The following TNKS2 variants were observed in gnomAD, a reference collection of about 807,000 sequenced individuals.
The protein encoded by TNKS2 is tankyrase 2, also known as poly [ADP-ribose] polymerase tankyrase-2.
TNKS2 carries 72 observed loss-of-function variants against 137.6 expected under a neutral mutation model. That is an observed-to-expected ratio of 0.52 (90% CI 0.43 to 0.64). TNKS2 has a LOEUF of 0.64. TNKS2 is among the 30% of genes least tolerant of loss of function. TNKS2 has a pLI of 0.00. For missense variants in TNKS2, 1,049 were observed against 1,410.2 expected (o/e 0.74, Z 4.10); for synonymous variants, 516 against 512.1 (o/e 1.01, Z -0.10).
intron 1 of TNKS2, among the ~76,000 whole-genome samples, chr10:91,807,815 A>G (rs941523103): frequency 3.9e-5 from 6 of 152,068 alleles, no homozygotes; most frequent in African/African-American, 1.2e-4. Context: ...TAACATGGTG[A>G]AACCCCCCCT....
chr10:91,857,377 C>T, intron 23 of TNKS2, 48 bp from the exon 24 acceptor site: 2 of 1,363,592 alleles, frequency 1.5e-6, no homozygotes, highest in Middle Eastern at 1.8e-4. Context: ...ATGAAGAAGT[C>T]AGTAAGTAAT....
chr10:91,819,843 T>C, intron 5 of TNKS2, 96 bp from the exon 6 acceptor site: 5 of 1,011,532 alleles, frequency 4.9e-6, no homozygotes, highest in Non-Finnish European at 5.7e-6. Flanking sequence ...GAAGTTATAA[T>C]TGGATTTTCT....
chr10:91,851,239 G>A lies in TNKS2; in HGVS notation c.2718G>A (p.Glu906=). Residue 906 remains glutamate, a synonymous_variant, in exon 21 of 27, where the codon GAG becomes GAA. Transcript: ENST00000371627. ...AGATCACTTTGGATGTATTAGTTGA[G>A]ATGGGGCACAAGGAGCTGAAGGAGA... ...REQITLDVLV[E]MGHKELKEIG... is the part of the protein sequence containing the mutation. The A allele has an allele frequency of 6.2e-7, 1 of 1,613,712 alleles. No homozygotes were observed. The highest frequency in any genetic ancestry group is 2.2e-5 in the East Asian group (1 of 44,814).
chr10:91,836,841 A>T, intron 12 of TNKS2, 78 bp from the exon 13 acceptor site: 2 of 1,526,586 alleles, frequency 1.3e-6, no homozygotes, highest in East Asian at 2.3e-5. Flanking sequence ...TTGCTTTCTG[A>T]TGAGATGCCT....
chr10:91,861,998 G>A lies in TNKS2; in HGVS notation c.3282-1G>A, dbSNP rs766806587. ...GTGATCTTTTCCTTTTCGTTTTATA[G>A]GCAGCTGCTCTTTTGCCGGGTAACC... On this transcript the variant is annotated splice_acceptor_variant, in intron 25 of 26. Transcript: ENST00000371627. LOFTEE classifies it high-confidence loss of function. The A allele has an allele frequency of 6.2e-7, 1 of 1,602,414 alleles. No individual in the cohort carries two copies. The highest frequency in any genetic ancestry group is 8.5e-7 in the Non-Finnish European group (1 of 1,174,464).
chr10:91,828,912 G>A (rs1845149744), intron 9 of TNKS2, among the ~76,000 whole-genome samples: 1 of 152,084 alleles, frequency 6.6e-6, no homozygotes, highest in Non-Finnish European at 1.5e-5. Flanking sequence ...GTAGATGTGA[G>A]TAGAGAAGTC....
At chr10:91,853,065 TG>T (rs965224823) in intron 21 of TNKS2, among the ~76,000 whole-genome samples, 40 of 152,312 alleles carry the variant, frequency 2.6e-4, no homozygotes, top group African/African-American at 9.6e-4. Flanking sequence ...GTAACTCTAC[TG>T]GAATAATACT....
intron 1 of TNKS2, among the ~76,000 whole-genome samples, chr10:91,811,615 G>T (rs1452722398): frequency 6.6e-6 from 1 of 152,110 alleles, no homozygotes; most frequent in Non-Finnish European, 1.5e-5. Context: ...AACAAAAACA[G>T]TTAATCTTTT....
At chr10:91,835,602 T>C (rs1841987290) in intron 12 of TNKS2, among the ~76,000 whole-genome samples, 1 of 148,992 alleles carries the variant, frequency 6.7e-6, no homozygotes, top group African/African-American at 2.5e-5. Flanking sequence ...CTTTTTTTTT[T>C]TTTTTTTTTT....
At chr10:91,852,232 A>T (rs1043936489) in intron 21 of TNKS2, among the ~76,000 whole-genome samples, 6 of 150,608 alleles carry the variant, frequency 4.0e-5, no homozygotes, top group African/African-American at 1.5e-4. Flanking sequence ...CATCTCAAAA[A>T]AAATAAATAA....
Position 91,865,378 on chromosome 10 carries a change from TGTA to T in TNKS2, c.*2382_*2384del, listed in dbSNP as rs1475047001. ...ATAAACCACAATTGCAGGAAAACAA[TGTA>T]GTTCTGAGTCTAATAGTGATAAAGA... On this transcript the variant is annotated 3_prime_UTR_variant, in exon 27 of 27. Transcript: ENST00000371627. 11 of 152,676 alleles carry T rather than the reference TGTA, an allele frequency of 7.2e-5. No homozygotes were observed. The East Asian group carries it at 7.7e-4, about 11-fold the overall frequency. 9.5% of individuals were successfully genotyped at this position (152,676 alleles called of 1,614,324 possible).
chr10:91,848,477 C>G lies in TNKS2; in HGVS notation c.2453C>G (p.Pro818Arg). 1 of 1,614,172 alleles carries G rather than the reference C, an allele frequency of 6.2e-7. No homozygotes were observed. Among genetic ancestry groups the G allele is most frequent in the Non-Finnish European group, 8.5e-7 (1 of 1,180,040 alleles). The stretch of plus-strand genomic sequence containing the variant: ...CAAGTGCTCAATGGTGTGAGAAGCC[C>G]AGGAGCCACTGCAGATGCTCTCTCT... Reference protein sequence around the residue: ...KPQVLNGVRSPGATADALSSG... With the variant: ...KPQVLNGVRSRGATADALSSG... Residue 818 changes from proline to arginine, a missense_variant, in exon 19 of 27, where the codon CCA (proline) becomes CGA (arginine). This residue lies in a region of TNKS2 where 208 missense variants were observed against 231.2 expected (regional missense o/e 0.90). Coordinates refer to ENST00000371627, the MANE Select transcript of TNKS2 (RefSeq NM_025235.4).
intron 19 of TNKS2, among the ~76,000 whole-genome samples, chr10:91,848,893 G>C (rs1415006793): frequency 6.6e-6 from 1 of 152,162 alleles, no homozygotes; most frequent in African/African-American, 2.4e-5. Context: ...CTGGAGTGCA[G>C]TGGCGCGATC....
At chr10:91,817,094 G>A (rs1397152893) in intron 2 of TNKS2, 40 bp from the exon 3 acceptor site, 1 of 1,401,002 alleles carries the variant, frequency 7.1e-7, no homozygotes, top group Non-Finnish European at 1.0e-6. Flanking sequence ...AAGTTGTTAA[G>A]ATTACCATTG....
In TNKS2 at chr10:91,830,962, A is replaced by G; in HGVS notation, c.1144A>G (p.Ile382Val). 3.1e-6 allele frequency: 5 copies of G among 1,611,984 alleles called. No individual in the cohort carries two copies. The highest frequency in any genetic ancestry group is 1.1e-5 in the South Asian group (1 of 90,952). The change falls in exon 10 of 27, where the codon ATA (isoleucine) becomes GTA (valine). Residue 382 changes from isoleucine (I) to valine (V), a missense_variant. By Grantham distance (29) the Ile-to-Val change is conservative (BLOSUM62 3). Around this residue, in one of 6 missense-constraint regions of TNKS2, gnomAD observed 328 missense variants for 436.0 expected, o/e 0.75. Transcript: ENST00000371627. ...AASPYPKRKQICELLLRKGAN... is the reference protein window; with the variant it reads ...AASPYPKRKQVCELLLRKGAN... ...ATCTCCATATCCCAAAAGAAAGCAA[A>G]TATGTGAACTGTTGCTAAGAAAAGG...
chr10:91,808,595 G>A (rs1463476857), intron 1 of TNKS2, among the ~76,000 whole-genome samples: 2 of 152,144 alleles, frequency 1.3e-5, no homozygotes, highest in Non-Finnish European at 2.9e-5. Context: ...AGGTGATAGT[G>A]GTTGGAGTAA....
chr10:91,802,274 C>G (rs1645017762), intron 1 of TNKS2, among the ~76,000 whole-genome samples: 1 of 152,096 alleles, frequency 6.6e-6, no homozygotes, highest in Non-Finnish European at 1.5e-5. Context: ...GAATTTATTG[C>G]ACAAGCATAG....
intron 26 of TNKS2, among the ~76,000 whole-genome samples, chr10:91,862,395 T>C (rs984692339): frequency 1.3e-5 from 2 of 152,204 alleles, no homozygotes; most frequent in Non-Finnish European, 2.9e-5. Context: ...ATTCTCTCCT[T>C]CTTTCCTTGT....
At chr10:91,836,000 CGT>C (rs58777939) in intron 12 of TNKS2, among the ~76,000 whole-genome samples, 28,003 of 112,756 alleles carry the variant, frequency 0.25, 3,564 homozygotes, top group South Asian at 0.45. Flanking sequence ...ATAAGAATAC[CGT>C]GTGTGTGTGT....
Sources: allele counts gnomAD v4.1 joint callset (sites outside exome capture counted in the v4.1 genomes callset), GRCh38; gene constraint gnomAD v4.1.1; regional missense constraint gnomAD v4.1.1; transcripts MANE v1.5; gene names NCBI Gene and HGNC (gene_info 2026-07-23, HGNC 2026-07-21).